Variants in CALML4 observed in about 807,000 individuals in gnomAD.
The protein encoded by CALML4 is calmodulin like 4.
In CALML4, 16 loss-of-function variants were observed where a neutral mutation model predicts 17.9. That is an observed-to-expected ratio of 0.89 (90% CI 0.61 to 1.36). CALML4 has a LOEUF of 1.36. CALML4 is among the 40% of genes most tolerant of loss of function. The pLI, the probability that CALML4 is intolerant of heterozygous loss-of-function variation, is 0.00. For missense variants in CALML4, 203 were observed against 194.8 expected (o/e 1.04, Z -0.25); for synonymous variants, 86 against 71.5 (o/e 1.20, Z -1.02).
chr15:68,197,845 C>G lies in CALML4; in HGVS notation c.176-217G>C. The G allele has an allele frequency of 1.9e-6, 1 of 537,298 alleles. No homozygotes were observed. Among genetic ancestry groups the G allele is most frequent in the Non-Finnish European group, 3.3e-6 (1 of 301,068 alleles). 33.3% of individuals were successfully genotyped at this position (537,298 alleles called of 1,614,324 possible). On this transcript the variant is annotated intron_variant, in intron 3 of 4. Transcript: ENST00000467889. This position sits in a 1 kb window ranked among gnomAD's most constrained non-coding sequence, Gnocchi z 4.1. ...GGACATTCTTCATTTCAGCAACGTC[C>G]TCAGTGACGATGCTTATCATCACCC...
intron 4 of CALML4, among the ~76,000 whole-genome samples, chr15:68,194,716 A>AAAT: frequency 6.6e-6 from 1 of 152,018 alleles, no homozygotes; most frequent in African/African-American, 2.4e-5. Flanking sequence ...TTTTTCATGA[A>AAAT]AATATGACCC....
At position 68,200,384 on chromosome 15, in the gene CALML4, T is replaced by C. The variant is rs1426018107; in HGVS notation, c.35-703A>G. On this transcript the variant is annotated intron_variant, in intron 2 of 4. Coordinates refer to ENST00000467889, the MANE Select transcript of CALML4 (RefSeq NM_033429.3). The surrounding 1 kb of genome is among the most constrained non-coding windows in gnomAD (Gnocchi z 4.3). ...TCTTAGAGACTTCAAAGGGTCCTGC[T>C]GGGAAATTCTCCCAGGGTCTGAAGC... 2.6e-5 allele frequency among the ~76,000 whole-genome samples: 4 copies of C among 152,228 alleles called. No homozygotes were observed. In the East Asian group the frequency reaches 7.7e-4, roughly 29 times the overall value.
chr15:68,197,758 G>T lies in CALML4; in HGVS notation c.176-130C>A. 1 of 778,198 alleles carries T rather than the reference G, an allele frequency of 1.3e-6. No individual in the cohort carries two copies. The highest frequency in any genetic ancestry group is 2.1e-6 in the Non-Finnish European group (1 of 485,804). The allele number at this position is 778,198 out of a possible 1,614,324, so 48.2% of individuals were successfully genotyped here. On this transcript the variant is annotated intron_variant, in intron 3 of 4. Coordinates refer to ENST00000467889, the MANE Select transcript of CALML4 (RefSeq NM_033429.3). The surrounding 1 kb of genome is among the most constrained non-coding windows in gnomAD (Gnocchi z 4.1). Reference sequence around the variant, plus strand: ...CAGGGAATGCCAGGATGTGGCAGTGGTCACAGTGAAGAGGATGCATCCCCT... The same window carrying T: ...CAGGGAATGCCAGGATGTGGCAGTGTTCACAGTGAAGAGGATGCATCCCCT...
rs540574363 is a variant in CALML4, at chr15:68,198,761, A to G, written c.175+780T>C. Among the ~76,000 whole-genome samples the G allele has an allele frequency of 3.0e-4, 43 of 141,466 alleles. 1 individual carries two copies. In the South Asian group the frequency reaches 4.8e-3, roughly 16 times the overall value. The allele number at this position is 141,466 out of a possible 152,430, so 92.8% of individuals were successfully genotyped here. A position where few individuals can be genotyped will look rare whatever the true frequency, so the allele number is the denominator to read the frequency against. On this transcript the variant is annotated intron_variant, in intron 3 of 4. Transcript: ENST00000467889. ...ATAGTTTTTCTAAAAACTATTGCATAGTTTTTAGGTCAGTCTTTGATATCA... is the reference window on the plus strand; with the variant it reads ...ATAGTTTTTCTAAAAACTATTGCATGGTTTTTAGGTCAGTCTTTGATATCA...
rs539325859 is a variant in CALML4, at chr15:68,191,815, C to T, written c.*2200G>A. The T allele has an allele frequency of 1.3e-5, 2 of 152,266 alleles. No homozygotes were observed. The highest frequency in any genetic ancestry group is 4.8e-5 in the African/African-American group (2 of 41,560). The allele number at this position is 152,266 out of a possible 1,614,324, so 9.4% of individuals were successfully genotyped here. A position where few individuals can be genotyped will look rare whatever the true frequency, so the allele number is the denominator to read the frequency against. ...CCAGGACCAGGAGTAAGGTAACAGC[C>T]CTTCCTCGGGTAGAGGTTTGAATCA... On this transcript the variant is annotated 3_prime_UTR_variant, in exon 5 of 5. Coordinates refer to ENST00000467889, the MANE Select transcript of CALML4 (RefSeq NM_033429.3).
upstream of CALML4, chr15:68,205,420 G>C: frequency 6.2e-7 from 1 of 1,611,394 alleles, no homozygotes; most frequent in Non-Finnish European, 8.5e-7. This position sits in a 1 kb window ranked among gnomAD's most constrained non-coding sequence, Gnocchi z 4.8. Context: ...CCAGCTTCCT[G>C]AGCACAGCTC....
chr15:68,201,885 C>T (rs1319438391), intron 2 of CALML4, among the ~76,000 whole-genome samples: 1 of 152,224 alleles, frequency 6.6e-6, no homozygotes. Context: ...TCCCTCCTCA[C>T]CTCCTGGCTC....
At chr15:68,202,404 G>A (rs921922729) in intron 2 of CALML4, among the ~76,000 whole-genome samples, 9 of 152,172 alleles carry the variant, frequency 5.9e-5, no homozygotes, top group African/African-American at 1.4e-4. Flanking sequence ...CCAGGAGTTC[G>A]AGACCAGCCT....
In CALML4 at chr15:68,199,824, G is replaced by GA. The variant is rs1373921682; in HGVS notation, c.35-144dup. ...CCTCTCTCCCCTCCCAAGGGTGCTAGATACAGCAAATGAAAATACAGGACT... is the reference window on the plus strand; with the variant it reads ...CCTCTCTCCCCTCCCAAGGGTGCTAGAATACAGCAAATGAAAATACAGGACT... On this transcript the variant is annotated intron_variant, in intron 2 of 4. Transcript: ENST00000467889. 6.3e-6 allele frequency: 5 copies of GA among 798,114 alleles called. No individual in the cohort carries two copies. In the East Asian group the frequency reaches 8.5e-5, roughly 14 times the overall value. The allele number at this position is 798,114 out of a possible 1,614,324, so 49.4% of individuals were successfully genotyped here. A position where few individuals can be genotyped will look rare whatever the true frequency, so the allele number is the denominator to read the frequency against.
chr15:68,196,468 G>A (rs1337645445), intron 4 of CALML4, among the ~76,000 whole-genome samples: 1 of 152,170 alleles, frequency 6.6e-6, no homozygotes, highest in Non-Finnish European at 1.5e-5. Context: ...AACCAGAGAC[G>A]GAAAGTCCGT....
At chr15:68,202,630 T>C (rs1302157428) in intron 2 of CALML4, among the ~76,000 whole-genome samples, 1 of 147,552 alleles carries the variant, frequency 6.8e-6, no homozygotes, top group Non-Finnish European at 1.5e-5. Context: ...TTACCACAAA[T>C]GAGTTTTGCC....
At chr15:68,199,976 T>G (rs892724113) in intron 2 of CALML4, 4 of 210,102 alleles carry the variant, frequency 1.9e-5, no homozygotes, top group African/African-American at 9.3e-5. Context: ...TTTAACTGGG[T>G]GTCCTGTATT....
At chr15:68,201,562 A>C (rs2093165714) in intron 2 of CALML4, among the ~76,000 whole-genome samples, 1 of 152,180 alleles carries the variant, frequency 6.6e-6, no homozygotes, top group African/African-American at 2.4e-5. Context: ...CTGTGCTGGA[A>C]GGTGCTCATC....
At position 68,192,321 on chromosome 15, in the gene CALML4, C is replaced by G. The variant is rs940231107; in HGVS notation, c.*1694G>C. 1 of 152,144 alleles carries G rather than the reference C, an allele frequency of 6.6e-6. No homozygotes were observed. Among genetic ancestry groups the G allele is most frequent in the Non-Finnish European group, 1.5e-5 (1 of 68,024 alleles). The allele number at this position is 152,144 out of a possible 1,614,324, so 9.4% of individuals were successfully genotyped here. ...CATGAAGGTAATGAAGTTTAAGCAC[C>G]AGGACCCTTCACTTGTTCTGGTCCT... On this transcript the variant is annotated 3_prime_UTR_variant, in exon 5 of 5. Transcript: ENST00000467889.
Position 68,197,650 on chromosome 15 carries a change from CAG to C in CALML4, c.176-24_176-23del, listed in dbSNP as rs2093150598. On this transcript the variant is annotated intron_variant, in intron 3 of 4. Transcript: ENST00000467889. The surrounding 1 kb of genome is among the most constrained non-coding windows in gnomAD (Gnocchi z 4.1). ...CCGTCTAGGAAACCCGCAAACACAG[CAG>C]AGTGAGCAGAGGGAAAAAGACTCCT... 6.2e-7 allele frequency: 1 copy of C among 1,608,510 alleles called. No individual in the cohort carries two copies. Among genetic ancestry groups the C allele is most frequent in the South Asian group, 1.1e-5 (1 of 90,522 alleles).
Position 68,197,324 on chromosome 15 carries a change from G to A in CALML4, c.364+116C>T, listed in dbSNP as rs765450917. The A allele has an allele frequency of 2.3e-5, 21 of 909,242 alleles. No individual in the cohort carries two copies. Among genetic ancestry groups the A allele is most frequent in the Non-Finnish European group, 3.2e-5 (19 of 591,574 alleles). 56.3% of individuals were successfully genotyped at this position (909,242 alleles called of 1,614,324 possible). A position where few individuals can be genotyped will look rare whatever the true frequency, so the allele number is the denominator to read the frequency against. The stretch of plus-strand genomic sequence containing the variant: ...GTGGCATCTGCTCACAGTCTCCTGC[G>A]CGCGCATCAACAGAGGTGGTCTGTA... On this transcript the variant is annotated intron_variant, in intron 4 of 4. Transcript: ENST00000467889. This position sits in a 1 kb window ranked among gnomAD's most constrained non-coding sequence, Gnocchi z 4.1.
rs545867549 is a variant in CALML4 at position 68,204,524 on chromosome 15, G to A, written c.34+597C>T. Among the ~76,000 whole-genome samples the A allele has an allele frequency of 8.0e-4, 122 of 152,290 alleles. No individual in the cohort carries two copies. The highest frequency in any genetic ancestry group is 2.8e-3 in the African/African-American group (118 of 41,558). ...TCTGGGCCCCCAAGTTCTTTGTAACGCAACTCTTTGCTCTTGGCCTTCTGG... is the reference window on the plus strand; with the variant it reads ...TCTGGGCCCCCAAGTTCTTTGTAACACAACTCTTTGCTCTTGGCCTTCTGG... On this transcript the variant is annotated intron_variant, in intron 2 of 4. Transcript: ENST00000467889. This position sits in a 1 kb window ranked among gnomAD's most constrained non-coding sequence, Gnocchi z 6.0.
Position 68,193,910 on chromosome 15 carries a change from T to C in CALML4, c.*105A>G. On this transcript the variant is annotated 3_prime_UTR_variant, in exon 5 of 5. Transcript: ENST00000467889. The stretch of plus-strand genomic sequence containing the variant: ...TCTTCTATAGTTGGGTAATGTTGTC[T>C]TGCCACTGTGTTTGCCATCTCTCCC... 2.7e-6 allele frequency: 2 copies of C among 730,426 alleles called. No homozygotes were observed. The highest frequency in any genetic ancestry group is 4.7e-6 in the Non-Finnish European group (2 of 422,686). 45.2% of individuals were successfully genotyped at this position (730,426 alleles called of 1,614,324 possible). A position where few individuals can be genotyped will look rare whatever the true frequency, so the allele number is the denominator to read the frequency against.
At position 68,200,270 on chromosome 15, in the gene CALML4, G is replaced by T. The variant is rs1029766926; in HGVS notation, c.35-589C>A. On this transcript the variant is annotated intron_variant, in intron 2 of 4. Transcript: ENST00000467889. The surrounding 1 kb of genome is among the most constrained non-coding windows in gnomAD (Gnocchi z 4.3). Reference sequence around the variant, plus strand: ...TGATGATATTATCATCATCATCAGAGCTGGGGCATTTCTGAGCCTATTGCC... The same window carrying T: ...TGATGATATTATCATCATCATCAGATCTGGGGCATTTCTGAGCCTATTGCC... 6.6e-6 allele frequency among the ~76,000 whole-genome samples: 1 copy of T among 152,220 alleles called. No individual in the cohort carries two copies. The highest frequency in any genetic ancestry group is 1.5e-5 in the Non-Finnish European group (1 of 68,036).
Sources: gnomAD v4.1 joint callset for allele counts (sites outside exome capture counted in the v4.1 genomes callset) on GRCh38, gnomAD v4.1.1 for gene constraint, Gnocchi (gnomAD v3.1) non-coding constraint, MANE v1.5 for transcripts, NCBI Gene and HGNC (gene_info 2026-07-23, HGNC 2026-07-21) for gene names.